CALN1: variants seen among roughly 807,000 people sequenced by gnomAD.
CALN1 encodes the protein calneuron 1, also known as calcium-binding protein 8.
In CALN1, 17 loss-of-function variants were observed where a neutral mutation model predicts 30.6. The ratio of observed to expected loss-of-function variants is 0.56; its 90% CI spans 0.38 to 0.83. The LOEUF (loss-of-function observed/expected upper bound fraction) is 0.83, where lower values mean the gene tolerates loss of function less well. CALN1 is among the 40% of genes least tolerant of loss of function. CALN1 has a pLI of 0.00. For missense variants in CALN1, 291 were observed against 354.9 expected (o/e 0.82, Z 1.45); for synonymous variants, 156 against 131.4 (o/e 1.19, Z -1.28).
intron 5 of CALN1, among the ~76,000 whole-genome samples, chr7:71,822,697 G>T (rs1181825604): frequency 1.3e-5 from 2 of 152,084 alleles, no homozygotes; most frequent in Non-Finnish European, 2.9e-5. Context: ...AAACTAAATG[G>T]CATCCTGTCA....
chr7:72,147,719 C>T (rs1371634192), intron 3 of CALN1, among the ~76,000 whole-genome samples: 1 of 151,892 alleles, frequency 6.6e-6, no homozygotes, highest in Non-Finnish European at 1.5e-5. Flanking sequence ...CAATGATAGA[C>T]TGGATTAAGA....
intron 2 of CALN1, chr7:72,336,695 G>A (rs1012312543): frequency 1.5e-4 from 143 of 985,434 alleles, no homozygotes; most frequent in African/African-American, 2.8e-4. Flanking sequence ...AGCCGGCGGC[G>A]GCACTCACCT....
At chr7:71,915,660 G>C (rs1444719775) in intron 5 of CALN1, among the ~76,000 whole-genome samples, 3 of 152,150 alleles carry the variant, frequency 2.0e-5, no homozygotes, top group Non-Finnish European at 4.4e-5. Flanking sequence ...CTTGAACAGG[G>C]GAGGCGGAGG....
chr7:72,432,126 A>G (rs1807998262), intron 1 of CALN1, among the ~76,000 whole-genome samples: 1 of 152,046 alleles, frequency 6.6e-6, no homozygotes, highest in Admixed American at 6.6e-5. Context: ...ACCCAGTGGG[A>G]GGTAACTGAA....
intron 3 of CALN1, among the ~76,000 whole-genome samples, chr7:72,201,737 TAAAAAAAA>T (rs778266725): frequency 8.5e-6 from 1 of 117,882 alleles, no homozygotes; most frequent in South Asian, 2.7e-4. Context: ...TGAATCTGAT[TAAAAAAAA>T]AAAAAAAAAA....
chr7:72,312,795 T>C (rs972443127), intron 2 of CALN1, among the ~76,000 whole-genome samples: 2 of 152,060 alleles, frequency 1.3e-5, no homozygotes, highest in East Asian at 3.9e-4. Flanking sequence ...TATGGATAAT[T>C]TTAAAATAGA....
chr7:72,257,937 G>A (rs978446538), intron 3 of CALN1, among the ~76,000 whole-genome samples: 1 of 152,038 alleles, frequency 6.6e-6, no homozygotes, highest in Non-Finnish European at 1.5e-5. Context: ...GCTTAAGAAT[G>A]ATATAATGAA....
chr7:71,828,173 G>C (rs1015795398), intron 5 of CALN1, among the ~76,000 whole-genome samples: 4 of 152,256 alleles, frequency 2.6e-5, no homozygotes, highest in Middle Eastern at 3.4e-3. Flanking sequence ...CCACTATCCT[G>C]ATGGGAGCCT....
chr7:72,188,341 CAT>C (rs775470088), intron 3 of CALN1, among the ~76,000 whole-genome samples: 4 of 151,976 alleles, frequency 2.6e-5, no homozygotes, highest in African/African-American at 7.2e-5. Context: ...TTTATATACA[CAT>C]ATATATATGA....
At chr7:72,466,631 T>G in the CALN1 span, among the ~76,000 whole-genome samples, 1 of 151,946 alleles carries the variant, frequency 6.6e-6, no homozygotes, top group Non-Finnish European at 1.5e-5. Context: ...TAATCCCAGC[T>G]ACTCGGGAGG....
intron 3 of CALN1, among the ~76,000 whole-genome samples, chr7:72,107,637 GTTAA>G (rs1409143610): frequency 1.3e-5 from 2 of 152,116 alleles, no homozygotes; most frequent in Non-Finnish European, 2.9e-5. Flanking sequence ...TGAAAGGTTC[GTTAA>G]TTGTTTCTGA....
intron 4 of CALN1, among the ~76,000 whole-genome samples, chr7:72,072,043 T>C (rs1035482470): frequency 5.9e-5 from 9 of 152,020 alleles, no homozygotes; most frequent in African/African-American, 2.2e-4. Flanking sequence ...TGAGACATCA[T>C]CAAGTGGACC....
intron 3 of CALN1, among the ~76,000 whole-genome samples, chr7:72,259,720 G>T (rs866492129): frequency 6.6e-6 from 1 of 152,082 alleles, no homozygotes; most frequent in Admixed American, 6.6e-5. Context: ...CATAAACACA[G>T]CAAGGGTCTG....
chr7:72,162,010 T>A (rs1422469202), intron 3 of CALN1, among the ~76,000 whole-genome samples: 1 of 150,070 alleles, frequency 6.7e-6, no homozygotes, highest in African/African-American at 2.4e-5. Context: ...TATATATATA[T>A]TATATATATA....
intron 2 of CALN1, among the ~76,000 whole-genome samples, chr7:72,291,839 C>T (rs559593510): frequency 4.5e-4 from 69 of 152,166 alleles, no homozygotes; most frequent in Admixed American, 2.6e-3. Flanking sequence ...CTCGAACTCC[C>T]AACCTCAAGT....
rs186461343 is a variant in CALN1, at chr7:71,931,420, C to G, written c.501+92237G>C. Among the ~76,000 whole-genome samples, 6 of 152,292 alleles carry G rather than the reference C, an allele frequency of 3.9e-5. No individual in the cohort carries two copies. In the East Asian group the frequency reaches 1.2e-3, roughly 30 times the overall value. On this transcript the variant is annotated intron_variant, in intron 5 of 6. Coordinates refer to ENST00000395275, the MANE Select transcript of CALN1 (RefSeq NM_031468.4). The stretch of plus-strand genomic sequence containing the variant: ...TAGCTGGGATTACAGGCATGTGCCA[C>G]AACACCCAGTCGATTTTTGTATTTT...
chr7:71,969,035 T>C (rs2129526209), intron 5 of CALN1, among the ~76,000 whole-genome samples: 1 of 149,908 alleles, frequency 6.7e-6, no homozygotes, highest in Middle Eastern at 3.4e-3. Context: ...GGTGACAGAG[T>C]GAGCCTCTAT....
intron 5 of CALN1, among the ~76,000 whole-genome samples, chr7:71,924,236 TCTTTTTAAAAAAGATTAGGATTTCAGA>T (rs1795139773): frequency 1.6e-5 from 1 of 61,656 alleles, no homozygotes; most frequent in Non-Finnish European, 4.3e-5. Flanking sequence ...GGATTTCAGA[TCTTTTTAAAAAAGATTAGGATTTCAGA>T]TCTTTTTAAA....
intron 1 of CALN1, among the ~76,000 whole-genome samples, chr7:72,435,626 G>A (rs918618171): frequency 3.9e-5 from 6 of 152,188 alleles, no homozygotes; most frequent in Non-Finnish European, 5.9e-5. Context: ...ATTTGTGAAC[G>A]TGCTGTCCCA....
Sources: allele counts gnomAD v4.1 joint callset (sites outside exome capture counted in the v4.1 genomes callset), GRCh38; gene constraint gnomAD v4.1.1; transcripts MANE v1.5; gene names NCBI Gene and HGNC (gene_info 2026-07-23, HGNC 2026-07-21).